Variants in NRG1 observed in about 807,000 individuals in gnomAD.
The protein encoded by NRG1 is pro-neuregulin-1, membrane-bound isoform.
Under a neutral mutation model 63.8 loss-of-function variants are expected in NRG1, and 18 were observed. The observed-to-expected ratio is 0.28, with a 90% CI of 0.19 to 0.42. NRG1 has a LOEUF of 0.42. Ranked by LOEUF, NRG1 falls within the 10% of genes least tolerant of loss-of-function variation. The pLI, the probability that NRG1 is intolerant of heterozygous loss-of-function variation, is 1.00. For synonymous variants in NRG1, 302 were observed against 301.3 expected (o/e 1.00, Z -0.02); for missense variants, 762 against 814.7 (o/e 0.94, Z 0.79).
At chr8:32,148,165 A>G (rs749282145) in intron 1 of NRG1, among the ~76,000 whole-genome samples, 2 of 152,160 alleles carry the variant, frequency 1.3e-5, no homozygotes, top group East Asian at 1.9e-4. Context: ...CAATAAGCCT[A>G]TGATACTATA....
At chr8:32,109,585 A>G (rs1278775234) in intron 1 of NRG1, among the ~76,000 whole-genome samples, 2 of 152,124 alleles carry the variant, frequency 1.3e-5, no homozygotes, top group Non-Finnish European at 2.9e-5. Context: ...CTAGTCCACA[A>G]TTAGAATCAC....
At chr8:31,930,138 G>T (rs768054165) in intron 1 of NRG1, among the ~76,000 whole-genome samples, 1 of 150,526 alleles carries the variant, frequency 6.6e-6, no homozygotes, top group Non-Finnish European at 1.5e-5. Flanking sequence ...TTTTGAGTAT[G>T]ATTAGTGACA....
chr8:31,799,443 AT>A (rs1205113330), intron 1 of NRG1, among the ~76,000 whole-genome samples: 4 of 152,174 alleles, frequency 2.6e-5, no homozygotes, highest in Non-Finnish European at 5.9e-5. Flanking sequence ...TAATGAAAAA[AT>A]AAATGATAAT....
rs528624132 is a variant in NRG1, at chr8:31,786,316, G to C, written c.37+146885G>C. On this transcript the variant is annotated intron_variant, in intron 1 of 10. Transcript: ENST00000519301. ...AATGTAGGAAAAACTAAACCAAAGT[G>C]TCTTTTCTATTCTCTCATTTAACAG... Among the ~76,000 whole-genome samples, 39 of 152,330 alleles carry C rather than the reference G, an allele frequency of 2.6e-4. 2 individuals carry two copies. The South Asian group carries it at 6.8e-3, about 27-fold the overall frequency.
chr8:32,317,097 G>A (rs1012508836), intron 1 of NRG1, among the ~76,000 whole-genome samples: 2 of 150,684 alleles, frequency 1.3e-5, no homozygotes, highest in African/African-American at 2.4e-5. Flanking sequence ...ATTTTTTGAT[G>A]TTAGATGTAT....
intron 1 of NRG1, among the ~76,000 whole-genome samples, chr8:32,593,531 C>T (rs1842856945): frequency 6.6e-6 from 1 of 151,900 alleles, no homozygotes; most frequent in South Asian, 2.1e-4. Flanking sequence ...TCATGCACTT[C>T]TGGTTCCAGT....
intron 1 of NRG1, among the ~76,000 whole-genome samples, chr8:31,750,644 A>G (rs565097544): frequency 4.3e-4 from 65 of 152,128 alleles, no homozygotes; most frequent in African/African-American, 1.4e-3. Flanking sequence ...AATTATTATT[A>G]AGCATGAGTT....
downstream of NRG1, among the ~76,000 whole-genome samples, chr8:32,768,129 A>T (rs746284012): frequency 6.6e-6 from 1 of 152,180 alleles, no homozygotes; most frequent in African/African-American, 2.4e-5. Flanking sequence ...CCTGTTCTCA[A>T]ATCATCTCCT....
chr8:32,221,203 T>G (rs1403225757), intron 1 of NRG1: 1 of 152,138 alleles, frequency 6.6e-6, no homozygotes, highest in Non-Finnish European at 1.5e-5. Flanking sequence ...CTGCAGAAAA[T>G]TGGGATAGAA....
chr8:31,691,825 C>T (rs1461640781), intron 1 of NRG1, among the ~76,000 whole-genome samples: 1 of 151,744 alleles, frequency 6.6e-6, no homozygotes, highest in Non-Finnish European at 1.5e-5. Flanking sequence ...ATTGGTTATT[C>T]CTATACTTTT....
intron 11 of NRG1, chr8:32,760,708 G>T: frequency 1.7e-6 from 2 of 1,155,932 alleles, no homozygotes; most frequent in Non-Finnish European, 2.1e-6. Context: ...ACCCACTCGG[G>T]GTCTCAGTGT....
intron 1 of NRG1, among the ~76,000 whole-genome samples, chr8:32,419,203 G>T (rs1816349361): frequency 6.6e-6 from 1 of 152,196 alleles, no homozygotes; most frequent in South Asian, 2.1e-4. Context: ...ATAACAGAAG[G>T]TGAAGGAGAT....
At chr8:32,078,742 C>G (rs1028481738) in intron 1 of NRG1, among the ~76,000 whole-genome samples, 5 of 152,154 alleles carry the variant, frequency 3.3e-5, no homozygotes, top group Non-Finnish European at 7.4e-5. Context: ...CTCCATTTCT[C>G]TTTTTATGTC....
intron 5 of NRG1, among the ~76,000 whole-genome samples, chr8:32,709,285 G>A (rs528339449): frequency 6.6e-6 from 1 of 152,238 alleles, no homozygotes; most frequent in African/African-American, 2.4e-5. Flanking sequence ...TTTTTGCCAT[G>A]TGCCTCAGCT....
intron 1 of NRG1, among the ~76,000 whole-genome samples, chr8:32,007,812 T>C (rs753139423): frequency 1.3e-5 from 2 of 151,974 alleles, no homozygotes; most frequent in Non-Finnish European, 2.9e-5. Flanking sequence ...TGATATTCTC[T>C]GGGACTACAA....
chr8:31,791,857 C>G (rs1820746044), intron 1 of NRG1, among the ~76,000 whole-genome samples: 1 of 152,170 alleles, frequency 6.6e-6, no homozygotes, highest in Admixed American at 6.5e-5. Context: ...CTTTGTGTTT[C>G]TAGTAACTTA....
chr8:32,562,527 G>A (rs916059136), intron 1 of NRG1, among the ~76,000 whole-genome samples: 1 of 152,242 alleles, frequency 6.6e-6, no homozygotes, highest in South Asian at 2.1e-4. Flanking sequence ...GGGATTATAG[G>A]CATGAACCAC....
intron 1 of NRG1, among the ~76,000 whole-genome samples, chr8:32,124,255 C>T (rs1380169126): frequency 6.6e-6 from 1 of 151,872 alleles, no homozygotes; most frequent in Non-Finnish European, 1.5e-5. Flanking sequence ...AATGACGAAT[C>T]AAATCCTCAG....
At chr8:32,735,951 G>A (rs747122100) in intron 6 of NRG1, among the ~76,000 whole-genome samples, 5 of 151,826 alleles carry the variant, frequency 3.3e-5, no homozygotes, top group Non-Finnish European at 7.4e-5. Flanking sequence ...TGAGTCTAGT[G>A]TGGCCACTCT....
Sources: gnomAD v4.1 joint callset for allele counts (sites outside exome capture counted in the v4.1 genomes callset) on GRCh38, gnomAD v4.1.1 for gene constraint, MANE v1.5 for transcripts, NCBI Gene and HGNC (gene_info 2026-07-23, HGNC 2026-07-21) for gene names.